The following PUF60 variants were observed in gnomAD, a reference collection of about 807,000 sequenced individuals.
The protein encoded by PUF60 is poly(U) binding splicing factor 60, also known as poly(U)-binding-splicing factor PUF60.
PUF60 carries 10 observed loss-of-function variants against 61.8 expected under a neutral mutation model. The observed-to-expected ratio is 0.16, with a 90% CI of 0.10 to 0.27. The LOEUF is 0.27. PUF60 is among the 10% of genes least tolerant of loss of function. The pLI is 1.00. For synonymous variants in PUF60, 353 were observed against 300.9 expected (o/e 1.17, Z -1.79); for missense variants, 371 against 754.0 (o/e 0.49, Z 5.95).
At chr8:143,823,516 G>A (rs1295919048) in intron 2 of PUF60, among the ~76,000 whole-genome samples, 1 of 152,234 alleles carries the variant, frequency 6.6e-6, no homozygotes, top group Non-Finnish European at 1.5e-5. Context: ...GGCCGGCTGG[G>A]CGCCAGCCAA....
At position 143,829,309 on chromosome 8, in the gene PUF60, G is replaced by C. The variant is rs782788394; in HGVS notation, c.-6C>G. On this transcript the variant is annotated 5_prime_UTR_variant, in exon 1 of 12. Coordinates refer to ENST00000526683, the MANE Select transcript of PUF60 (RefSeq NM_078480.3). ...GCTATGGTCGCCGTCGCCATCTTGCGTCCGTCGCGGCCTCCGCGCGCGCCT... is the reference window on the plus strand; with the variant it reads ...GCTATGGTCGCCGTCGCCATCTTGCCTCCGTCGCGGCCTCCGCGCGCGCCT... 4.8e-5 allele frequency: 61 copies of C among 1,262,272 alleles called. 1 individual carries two copies. Among genetic ancestry groups the C allele is most frequent in the Middle Eastern group, 2.0e-4 (1 of 4,912 alleles). 78.2% of individuals were successfully genotyped at this position (1,262,272 alleles called of 1,614,324 possible).
chr8:143,818,595 G>C lies in PUF60; in HGVS notation c.349-61C>G. On this transcript the variant is annotated intron_variant, in intron 5 of 11. Transcript: ENST00000526683. The surrounding 1 kb of genome is among the most constrained non-coding windows in gnomAD (Gnocchi z 7.9). ...GTCAGGGGCGGCAGGAAGCTGGGCA[G>C]CCCACTCCCCTCCTGGCCCACCCAC... 1 of 1,489,198 alleles carries C rather than the reference G, an allele frequency of 6.7e-7. No homozygotes were observed. Among genetic ancestry groups the C allele is most frequent in the Non-Finnish European group, 9.0e-7 (1 of 1,114,790 alleles). 92.2% of individuals were successfully genotyped at this position (1,489,198 alleles called of 1,614,324 possible). A position where few individuals can be genotyped will look rare whatever the true frequency, so the allele number is the denominator to read the frequency against.
intron 4 of PUF60, 67 bp from the exon 5 acceptor site, chr8:143,820,783 T>C: frequency 6.8e-7 from 1 of 1,464,632 alleles, no homozygotes; most frequent in Non-Finnish European, 9.6e-7. Context: ...CGTCAACACC[T>C]CACGCAGACA....
Position 143,817,128 on chromosome 8 carries a change from G to A in PUF60, c.1162C>T (p.Pro388Ser). The A allele has an allele frequency of 6.2e-7, 1 of 1,605,816 alleles. No homozygotes were observed. The highest frequency in any genetic ancestry group is 8.5e-7 in the Non-Finnish European group (1 of 1,176,352). Residue 388 changes from proline (P) to serine (S), a missense_variant, in exon 11 of 12, where the codon CCT becomes TCT. This residue lies in a region of PUF60 where 68 missense variants were observed against 69.4 expected (regional missense o/e 0.98). Coordinates refer to ENST00000526683, the MANE Select transcript of PUF60 (RefSeq NM_078480.3). This position sits in a 1 kb window ranked among gnomAD's most constrained non-coding sequence, Gnocchi z 7.4. ...GVITGVTPAR[P>S]PIPVTIPSVG... is the part of the protein sequence containing the mutation. ...GAGGGGATGGTGACCGGGATAGGAGGACGGGCTGGGGTCACACCTGCAGGA... is the reference window on the plus strand; with the variant it reads ...GAGGGGATGGTGACCGGGATAGGAGAACGGGCTGGGGTCACACCTGCAGGA...
chr8:143,828,857 G>T lies in PUF60; in HGVS notation c.24+423C>A, dbSNP rs1023804854. The T allele has an allele frequency of 2.6e-5, 24 of 917,530 alleles. No individual in the cohort carries two copies. The African/African-American group carries it at 4.3e-4, about 16-fold the overall frequency. 56.8% of individuals were successfully genotyped at this position (917,530 alleles called of 1,614,324 possible). On this transcript the variant is annotated intron_variant, in intron 1 of 11. Transcript: ENST00000526683. The stretch of plus-strand genomic sequence containing the variant: ...TCTGAGCTGCAGGCCCCTTTCTACA[G>T]GTCCCGTCCCCTTCTGATCCCATCA...
Position 143,817,138 on chromosome 8 carries a change from G to C in PUF60, c.1152C>G (p.Thr384=). 2 of 1,598,398 alleles carry C rather than the reference G, an allele frequency of 1.3e-6. No homozygotes were observed. ...TGACCGGGATAGGAGGACGGGCTGG[G>C]GTCACACCTGCAGGAAAACCAACCA... ...AQAPGVITGV[T]PARPPIPVTI... Residue 384 remains threonine (T), a synonymous_variant, in exon 11 of 12, where the codon ACC becomes ACG. Coordinates refer to ENST00000526683, the MANE Select transcript of PUF60 (RefSeq NM_078480.3). The surrounding 1 kb of genome is among the most constrained non-coding windows in gnomAD (Gnocchi z 7.4).
chr8:143,826,576 A>G (rs1005701091), intron 1 of PUF60, among the ~76,000 whole-genome samples: 7 of 152,156 alleles, frequency 4.6e-5, no homozygotes, highest in African/African-American at 1.7e-4. Context: ...TTAGCCGGGC[A>G]TGGTGGCAAG....
At chr8:143,820,614 C>G in intron 5 of PUF60, 52 bp downstream of exon 5, 1 of 1,577,622 alleles carries the variant, frequency 6.3e-7, no homozygotes, top group Non-Finnish European at 8.7e-7. Flanking sequence ...CTGCCCCCCT[C>G]TAGCCCTGAC....
At chr8:143,823,714 C>T (rs1439000334) in intron 2 of PUF60, among the ~76,000 whole-genome samples, 2 of 152,194 alleles carry the variant, frequency 1.3e-5, no homozygotes, top group South Asian at 2.1e-4. Context: ...CACAAAGAAC[C>T]CAACTACCCA....
intron 5 of PUF60, among the ~76,000 whole-genome samples, chr8:143,819,467 C>T (rs999038015): frequency 6.6e-6 from 1 of 152,176 alleles, no homozygotes; most frequent in Non-Finnish European, 1.5e-5. Context: ...ACAGCTGGAG[C>T]CAGGCCCTGC....
rs1302914394 is a variant in PUF60, at chr8:143,818,466, C to T, written c.417G>A (p.Glu139=). 1 of 1,611,154 alleles carries T rather than the reference C, an allele frequency of 6.2e-7. No individual in the cohort carries two copies. Among genetic ancestry groups the T allele is most frequent in the African/African-American group, 1.3e-5 (1 of 75,008 alleles). Reference sequence around the variant, plus strand: ...CCTGGCGGATGGTGTCCTCCCCCAGCTCATAGTAGATAGAGCCCACGTAGA... The same window carrying T: ...CCTGGCGGATGGTGTCCTCCCCCAGTTCATAGTAGATAGAGCCCACGTAGA... ...CRVYVGSIYY[E]LGEDTIRQAF... Residue 139 remains glutamate (E), a synonymous_variant, in exon 6 of 12, where the codon GAG becomes GAA. Transcript: ENST00000526683. This position sits in a 1 kb window ranked among gnomAD's most constrained non-coding sequence, Gnocchi z 7.9.
intron 5 of PUF60, 37 bp downstream of exon 5, chr8:143,820,629 G>C: frequency 6.3e-7 from 1 of 1,599,562 alleles, no homozygotes; most frequent in Non-Finnish European, 8.6e-7. Context: ...CCTGACTAAG[G>C]ACATGAGCCC....
chr8:143,822,355 T>G, intron 2 of PUF60: 1 of 377,024 alleles, frequency 2.7e-6, no homozygotes, highest in Non-Finnish European at 5.3e-6. Flanking sequence ...TCCTCCAGGC[T>G]TCCTCACAGT....
At position 143,818,052 on chromosome 8, in the gene PUF60, C is replaced by T. The variant is rs1322687311; in HGVS notation, c.627G>A (p.Gly209=). ...ACTGGTCTATGATGGGCTGGGCCTG[C>T]CCTATGTTGCTGGGTCTGCCCACCT... The part of the protein sequence containing the change: ...NIKVGRPSNI[G]QAQPIIDQLA... Residue 209 remains glycine, a synonymous_variant, in exon 8 of 12, where the codon GGG becomes GGA. Coordinates refer to ENST00000526683, the MANE Select transcript of PUF60 (RefSeq NM_078480.3). The surrounding 1 kb of genome is among the most constrained non-coding windows in gnomAD (Gnocchi z 7.9). 8 of 1,612,416 alleles carry T rather than the reference C, an allele frequency of 5.0e-6. No individual in the cohort carries two copies. The highest frequency in any genetic ancestry group is 5.9e-6 in the Non-Finnish European group (7 of 1,179,810).
At position 143,818,742 on chromosome 8, in the gene PUF60, G is replaced by A. The variant is rs1054778103; in HGVS notation, c.349-208C>T. ...AGAAGGAAGGCCAGGCCCAGCGGCA[G>A]GACAGGACGCACCCCAGCCCGCCAA... is the stretch of plus-strand genomic sequence containing the variant. On this transcript the variant is annotated intron_variant, in intron 5 of 11. Transcript: ENST00000526683. This position sits in a 1 kb window ranked among gnomAD's most constrained non-coding sequence, Gnocchi z 7.9. 4.9e-6 allele frequency: 3 copies of A among 612,728 alleles called. No homozygotes were observed. Among genetic ancestry groups the A allele is most frequent in the African/African-American group, 1.8e-5 (1 of 54,132 alleles). The allele number at this position is 612,728 out of a possible 1,614,324, so 38.0% of individuals were successfully genotyped here.
chr8:143,817,961 C>T lies in PUF60; in HGVS notation c.718G>A (p.Asp240Asn), dbSNP rs1816554233. 1.2e-6 allele frequency: 2 copies of T among 1,612,814 alleles called. No individual in the cohort carries two copies. The highest frequency in any genetic ancestry group is 1.7e-6 in the Non-Finnish European group (2 of 1,179,864). The change falls in exon 8 of 12, where the codon GAT (aspartate) becomes AAT (asparagine). Residue 240 changes from aspartate to asparagine, a missense_variant. Physicochemically the swap from Asp to Asn is conservative, Grantham distance 23. Around this residue, in one of 13 missense-constraint regions of PUF60, gnomAD observed 31 missense variants for 80.6 expected, o/e 0.38. Coordinates refer to ENST00000526683, the MANE Select transcript of PUF60 (RefSeq NM_078480.3). The surrounding 1 kb of genome is among the most constrained non-coding windows in gnomAD (Gnocchi z 7.4). The stretch of plus-strand genomic sequence containing the variant: ...GCCTCAAACACGCTCTTGATGTCAT[C>T]GTCTGAGAGGTCCTGGTGCACAGAG... ...VASVHQDLSD[D>N]DIKSVFEAFG...
rs189927451 is a variant in PUF60 at position 143,821,393 on chromosome 8, G to C, written c.297+204C>G. On this transcript the variant is annotated intron_variant, in intron 4 of 11. Transcript: ENST00000526683. ...CAAGAAAGGGGCTGCGGCGCTTTAG[G>C]GGCTCCAGCGAGCAACAGGTGGGAA... 4,664 of 607,856 alleles carry C rather than the reference G, an allele frequency of 7.7e-3. 117 individuals carry two copies. Among genetic ancestry groups the C allele is most frequent in the South Asian group, 0.052 (2,682 of 51,210 alleles). 37.7% of individuals were successfully genotyped at this position (607,856 alleles called of 1,614,324 possible).
rs1261952435 is a variant in PUF60, at chr8:143,817,953, G to C, written c.726C>G (p.Ile242Met). The stretch of plus-strand genomic sequence containing the variant: ...TGCCAAAGGCCTCAAACACGCTCTT[G>C]ATGTCATCGTCTGAGAGGTCCTGGT... ...SVHQDLSDDD[I>M]KSVFEAFGKI... is the part of the protein sequence containing the mutation. Residue 242 changes from isoleucine (I) to methionine (M), a missense_variant, in exon 8 of 12, where the codon ATC becomes ATG. Transcript: ENST00000526683. The surrounding 1 kb of genome is among the most constrained non-coding windows in gnomAD (Gnocchi z 7.4). 2 of 1,612,956 alleles carry C rather than the reference G, an allele frequency of 1.2e-6. No homozygotes were observed. Among genetic ancestry groups the C allele is most frequent in the Non-Finnish European group, 8.5e-7 (1 of 1,179,874 alleles).
chr8:143,821,584 G>C lies in PUF60; in HGVS notation c.297+13C>G. The stretch of plus-strand genomic sequence containing the variant: ...TGGTGGGGAGGGCGGTAGAGGCTCC[G>C]GCCGGGGCTCACCTGCAGGTTGGTG... On this transcript the variant is annotated intron_variant, in intron 4 of 11. Coordinates refer to ENST00000526683, the MANE Select transcript of PUF60 (RefSeq NM_078480.3). 6.5e-7 allele frequency: 1 copy of C among 1,539,048 alleles called. No homozygotes were observed. Among genetic ancestry groups the C allele is most frequent in the Non-Finnish European group, 8.7e-7 (1 of 1,146,076 alleles).
Sources: gnomAD v4.1 joint callset for allele counts (sites outside exome capture counted in the v4.1 genomes callset) on GRCh38, gnomAD v4.1.1 for gene constraint, gnomAD v4.1.1 regional missense constraint, Gnocchi (gnomAD v3.1) non-coding constraint, MANE v1.5 for transcripts, NCBI Gene and HGNC (gene_info 2026-07-23, HGNC 2026-07-21) for gene names.